MAD1L1: variants seen among roughly 807,000 people sequenced by gnomAD.
MAD1L1 encodes mitotic spindle assembly checkpoint protein MAD1.
A neutral mutation model predicts 96.9 loss-of-function variants in MAD1L1; 95 were observed. That is an observed-to-expected ratio of 0.98 (90% CI 0.83 to 1.16). The LOEUF is 1.16. MAD1L1 is among the 50% of genes most tolerant of loss of function. The probability of loss-of-function intolerance (pLI) is 0.00; values close to 1 mark genes in which losing one functional copy is unlikely to be tolerated. For missense variants in MAD1L1, 1,007 were observed against 954.4 expected, an observed-to-expected ratio of 1.06 and a Z score of -0.73; for synonymous variants, 473 against 396.6, an observed-to-expected ratio of 1.19 and a Z score of -2.29.
intron 11 of MAD1L1, among the ~76,000 whole-genome samples, chr7:2,111,110 GTAAAT>G (rs947714802): frequency 6.6e-6 from 1 of 152,210 alleles, no homozygotes; most frequent in African/African-American, 2.4e-5. Context: ...CCGACGAAAA[GTAAAT>G]TAAAGACAAG....
intron 10 of MAD1L1, among the ~76,000 whole-genome samples, chr7:2,175,576 T>C (rs916411692): frequency 1.8e-4 from 27 of 151,326 alleles, no homozygotes; most frequent in African/African-American, 6.3e-4. Context: ...GGTGTATGTA[T>C]TCAATCTACC....
intron 15 of MAD1L1, among the ~76,000 whole-genome samples, chr7:1,977,252 G>A (rs1015739030): frequency 2.6e-5 from 4 of 152,248 alleles, no homozygotes; most frequent in Non-Finnish European, 5.9e-5. Flanking sequence ...GGTCCCAAGC[G>A]CTGCCCCACG....
intron 10 of MAD1L1, among the ~76,000 whole-genome samples, chr7:2,184,495 G>A (rs1791364620): frequency 1.3e-5 from 2 of 152,106 alleles, no homozygotes; most frequent in African/African-American, 4.8e-5. Context: ...AAGACAGTTT[G>A]GCAATTTCTT....
At chr7:2,070,507 C>T (rs148120173) in intron 11 of MAD1L1, among the ~76,000 whole-genome samples, 2,451 of 152,312 alleles carry the variant, frequency 0.016, 40 homozygotes, top group Middle Eastern at 0.095. Flanking sequence ...CAGGAAAGGA[C>T]ACAGCCAGGA....
chr7:2,162,708 C>CAAAAAA lies in MAD1L1; in HGVS notation c.987-13476_987-13471dup, dbSNP rs200992128. ...AAAGTTATCTATAATCCACCACTCA[C>CAAAAAA]AAAAAAAAAAAAAAAAAACGTAATG... On this transcript the variant is annotated intron_variant, in intron 10 of 18. Transcript: ENST00000265854. Among the ~76,000 whole-genome samples the CAAAAAA allele has an allele frequency of 7.2e-3, 696 of 96,432 alleles. 8 individuals carry two copies. The highest frequency in any genetic ancestry group is 0.023 in the African/African-American group (647 of 28,690). 63.3% of individuals were successfully genotyped at this position (96,432 alleles called of 152,430 possible).
At chr7:2,031,346 TGGGG>T (rs1783217474) in intron 12 of MAD1L1, among the ~76,000 whole-genome samples, 1 of 152,154 alleles carries the variant, frequency 6.6e-6, no homozygotes, top group African/African-American at 2.4e-5. Flanking sequence ...CGTGTAGCTG[TGGGG>T]GAGGGGGAAA....
intron 18 of MAD1L1, among the ~76,000 whole-genome samples, chr7:1,858,830 A>G (rs1652301770): frequency 6.6e-6 from 1 of 152,244 alleles, no homozygotes; most frequent in South Asian, 2.1e-4. Context: ...GAGCACGGGC[A>G]GTCAGAGCCT....
At chr7:1,906,857 G>A (rs907225775) in intron 17 of MAD1L1, among the ~76,000 whole-genome samples, 5 of 152,344 alleles carry the variant, frequency 3.3e-5, no homozygotes, top group East Asian at 1.9e-4. Flanking sequence ...CACACACAGC[G>A]GACGGGACAC....
At chr7:1,925,810 G>A (rs1026619076) in intron 17 of MAD1L1, among the ~76,000 whole-genome samples, 4 of 152,180 alleles carry the variant, frequency 2.6e-5, no homozygotes, top group African/African-American at 9.7e-5. Flanking sequence ...TTCTAACACG[G>A]AACGCTTACG....
intron 18 of MAD1L1, among the ~76,000 whole-genome samples, chr7:1,858,993 G>A (rs901838268): frequency 1.3e-5 from 2 of 152,332 alleles, no homozygotes; most frequent in Non-Finnish European, 2.9e-5. Context: ...TCAGATCTGG[G>A]GGGCGTCCCC....
rs190599491 is a variant in MAD1L1 at position 2,119,255 on chromosome 7, C to T, written c.1073+29897G>A. On this transcript the variant is annotated intron_variant, in intron 11 of 18. Transcript: ENST00000265854. This position sits in a 1 kb window ranked among gnomAD's most constrained non-coding sequence, Gnocchi z 4.6. ...TCCATTATCCCCCCAAAACAAGTGA[C>T]CAAAGGAGTGCCCCGCCCCTGGTTC... 1.3e-3 allele frequency among the ~76,000 whole-genome samples: 205 copies of T among 152,238 alleles called. No individual in the cohort carries two copies. Among genetic ancestry groups the T allele is most frequent in the Non-Finnish European group, 7.8e-4 (53 of 68,006 alleles).
intron 18 of MAD1L1, among the ~76,000 whole-genome samples, chr7:1,888,037 G>A (rs1180804479): frequency 6.7e-6 from 1 of 149,762 alleles, no homozygotes; most frequent in Admixed American, 6.7e-5. Flanking sequence ...GTGAGACTGA[G>A]CATGTGTGTG....
chr7:1,963,595 A>G (rs1210091149), intron 15 of MAD1L1, among the ~76,000 whole-genome samples: 1 of 152,214 alleles, frequency 6.6e-6, no homozygotes, highest in Non-Finnish European at 1.5e-5. Context: ...GGAAAGCTGT[A>G]AAAACCATAC....
chr7:1,920,049 A>G (rs1462122721), intron 17 of MAD1L1, among the ~76,000 whole-genome samples: 2 of 151,774 alleles, frequency 1.3e-5, no homozygotes, highest in Non-Finnish European at 2.9e-5. Flanking sequence ...GAGGGCGCAC[A>G]GCAGGGCTGC....
At chr7:2,160,943 T>C (rs1452074527) in intron 10 of MAD1L1, among the ~76,000 whole-genome samples, 1 of 152,184 alleles carries the variant, frequency 6.6e-6, no homozygotes, top group East Asian at 1.9e-4. Flanking sequence ...AACAAATTAA[T>C]GCAGAGAAAA....
chr7:1,993,109 C>T (rs554763417), intron 14 of MAD1L1, among the ~76,000 whole-genome samples: 4 of 152,310 alleles, frequency 2.6e-5, no homozygotes, highest in East Asian at 1.9e-4. Flanking sequence ...GTGGAATGCA[C>T]GGGGGACTTC....
At chr7:2,164,697 T>C (rs1398151322) in intron 10 of MAD1L1, among the ~76,000 whole-genome samples, 2 of 151,524 alleles carry the variant, frequency 1.3e-5, no homozygotes, top group African/African-American at 2.4e-5. Context: ...GCACACCTGC[T>C]CCATCAGCAT....
chr7:2,017,811 G>C (rs1782611682), intron 12 of MAD1L1, among the ~76,000 whole-genome samples: 1 of 152,208 alleles, frequency 6.6e-6, no homozygotes, highest in African/African-American at 2.4e-5. Context: ...AAGAGGCTGA[G>C]AACGCCATAG....
chr7:1,816,005 C>A lies in MAD1L1; in HGVS notation c.*65G>T. On this transcript the variant is annotated 3_prime_UTR_variant, in exon 19 of 19. Transcript: ENST00000265854. ...GGACGTGCACCCAGCCTGTGGCTGG[C>A]GGGGCAGGGGACCTGCAGGTCAGGC... The A allele has an allele frequency of 6.6e-7, 1 of 1,504,622 alleles. No individual in the cohort carries two copies. Among genetic ancestry groups the A allele is most frequent in the Non-Finnish European group, 8.9e-7 (1 of 1,121,524 alleles). 93.2% of individuals were successfully genotyped at this position (1,504,622 alleles called of 1,614,324 possible).
Sources: allele counts gnomAD v4.1 joint callset (sites outside exome capture counted in the v4.1 genomes callset), GRCh38; gene constraint gnomAD v4.1.1; non-coding constraint Gnocchi (gnomAD v3.1); transcripts MANE v1.5; gene names NCBI Gene and HGNC (gene_info 2026-07-23, HGNC 2026-07-21).